SPACA7: variants seen among roughly 807,000 people sequenced by gnomAD.
The protein encoded by SPACA7 is sperm acrosome-associated protein 7.
A neutral mutation model predicts 26.3 loss-of-function variants in SPACA7; 19 were observed. That is an observed-to-expected ratio of 0.72 (90% CI 0.50 to 1.06). The LOEUF (loss-of-function observed/expected upper bound fraction) is 1.06. SPACA7 is among the 50% of genes least tolerant of loss of function. The pLI, the probability that SPACA7 is intolerant of heterozygous loss-of-function variation, is 0.00. For missense variants in SPACA7, 211 were observed against 229.9 expected, an observed-to-expected ratio of 0.92 and a Z score of 0.53; for synonymous variants, 84 against 84.5, an observed-to-expected ratio of 0.99 and a Z score of 0.04.
intron 5 of SPACA7, among the ~76,000 whole-genome samples, chr13:112,418,964 A>C (rs940981559): frequency 1.3e-5 from 2 of 151,990 alleles, no homozygotes; most frequent in Non-Finnish European, 2.9e-5. Flanking sequence ...CAGAGGTTGC[A>C]GTGAACTGAG....
chr13:112,430,186 G>C (rs1313034698), intron 5 of SPACA7, among the ~76,000 whole-genome samples: 10 of 151,654 alleles, frequency 6.6e-5, no homozygotes, highest in African/African-American at 2.4e-4. Flanking sequence ...GTGTGTGTGT[G>C]TGTGTGTGTG....
intron 4 of SPACA7, among the ~76,000 whole-genome samples, chr13:112,399,796 T>A (rs555854788): frequency 1.3e-5 from 2 of 152,312 alleles, no homozygotes; most frequent in Admixed American, 1.3e-4. Flanking sequence ...GAGGTTTAAT[T>A]TGTTCATGGT....
intron 5 of SPACA7, among the ~76,000 whole-genome samples, chr13:112,417,971 T>G (rs1346248522): frequency 6.6e-6 from 1 of 152,204 alleles, no homozygotes; most frequent in Non-Finnish European, 1.5e-5. Flanking sequence ...TGTGTAATCT[T>G]ATTTTTCTTT....
chr13:112,414,625 G>T (rs1403504356), intron 5 of SPACA7, among the ~76,000 whole-genome samples: 2 of 151,768 alleles, frequency 1.3e-5, no homozygotes, highest in African/African-American at 2.4e-5. Flanking sequence ...TGGCCAGGCT[G>T]GTCTCGAACT....
At chr13:112,398,230 G>A (rs1282178270) in intron 3 of SPACA7, 92 bp downstream of exon 3, 10 of 940,214 alleles carry the variant, frequency 1.1e-5, no homozygotes, top group Admixed American at 3.8e-5. Context: ...CCTATAATTT[G>A]AGCATTAAGA....
intron 5 of SPACA7, among the ~76,000 whole-genome samples, chr13:112,420,453 C>G (rs1875836269): frequency 6.6e-6 from 1 of 151,764 alleles, no homozygotes; most frequent in South Asian, 2.1e-4. Context: ...AAGAGCTCAT[C>G]AGTAGACAGT....
At chr13:112,414,319 G>C (rs1473158196) in intron 5 of SPACA7, among the ~76,000 whole-genome samples, 1 of 108,416 alleles carries the variant, frequency 9.2e-6, no homozygotes, top group Non-Finnish European at 1.9e-5. Flanking sequence ...ATTTATTATT[G>C]TTATTATTGT....
chr13:112,397,242 G>A (rs1322401784), intron 2 of SPACA7, among the ~76,000 whole-genome samples: 2 of 152,150 alleles, frequency 1.3e-5, no homozygotes, highest in Non-Finnish European at 2.9e-5. Context: ...CTTTGCCTGG[G>A]GCTGAGGAGC....
intron 5 of SPACA7, among the ~76,000 whole-genome samples, chr13:112,424,264 G>A (rs886191754): frequency 6.6e-5 from 10 of 152,210 alleles, no homozygotes; most frequent in African/African-American, 9.6e-5. Flanking sequence ...ATGCTGCGTT[G>A]GGAGCATGAA....
At chr13:112,382,157 T>A (rs2138861399) in intron 1 of SPACA7, 1 of 351,560 alleles carries the variant, frequency 2.8e-6, no homozygotes, top group East Asian at 5.1e-5. Flanking sequence ...AGGGAGTCAG[T>A]TAAGCTGGAG....
intron 5 of SPACA7, among the ~76,000 whole-genome samples, chr13:112,416,984 T>G (rs1435088738): frequency 6.6e-6 from 1 of 152,174 alleles, no homozygotes; most frequent in Non-Finnish European, 1.5e-5. Flanking sequence ...GATGCACACT[T>G]AGATGGATAT....
At chr13:112,419,341 T>C (rs1418659588) in intron 5 of SPACA7, among the ~76,000 whole-genome samples, 1 of 152,122 alleles carries the variant, frequency 6.6e-6, no homozygotes, top group Non-Finnish European at 1.5e-5. Flanking sequence ...GGGCTTGCAC[T>C]CACAAGGTCT....
chr13:112,384,268 A>T (rs949989527), intron 1 of SPACA7, among the ~76,000 whole-genome samples: 2 of 152,156 alleles, frequency 1.3e-5, no homozygotes, highest in African/African-American at 4.8e-5. Flanking sequence ...ACTATTAAAG[A>T]CACAGTTGAC....
intron 1 of SPACA7, among the ~76,000 whole-genome samples, chr13:112,383,118 AAGAAAAGAAAGAAAGAAAGAAAG>A (rs1408250016): frequency 1.8e-4 from 2 of 10,930 alleles, no homozygotes; most frequent in Admixed American, 1.5e-3. Flanking sequence ...AAGAAAAGAA[AAGAAAAGAAAGAAAGAAAGAAAG>A]AAAGAAAGAA....
intron 5 of SPACA7, among the ~76,000 whole-genome samples, chr13:112,429,623 T>C (rs549562491): frequency 2.6e-5 from 4 of 152,314 alleles, no homozygotes; most frequent in East Asian, 1.9e-4. Context: ...ACATATGGTA[T>C]ACAGTTTTAT....
intron 5 of SPACA7, among the ~76,000 whole-genome samples, chr13:112,423,401 A>T (rs775202718): frequency 2.0e-5 from 3 of 152,238 alleles, no homozygotes; most frequent in East Asian, 1.9e-4. Flanking sequence ...ATATCAAGAC[A>T]CTGTGAAAAA....
intron 5 of SPACA7, among the ~76,000 whole-genome samples, chr13:112,404,745 C>T (rs903070993): frequency 1.8e-4 from 27 of 152,096 alleles, no homozygotes; most frequent in African/African-American, 6.5e-4. Flanking sequence ...GGCTTTATTT[C>T]TGGGTTCTCT....
chr13:112,425,180 G>A lies in SPACA7; in HGVS notation c.446-7264G>A, dbSNP rs554543411. Among the ~76,000 whole-genome samples, 32 of 152,326 alleles carry A rather than the reference G, an allele frequency of 2.1e-4. No homozygotes were observed. The South Asian group carries it at 6.6e-3, about 32-fold the overall frequency. ...GGCGTGGGCGCCCGGATCCAAGGGT[G>A]CGCACAGGCTCCCCTGCAGGGTGAC... On this transcript the variant is annotated intron_variant, in intron 5 of 6. Transcript: ENST00000283550.
intron 1 of SPACA7, among the ~76,000 whole-genome samples, chr13:112,387,389 G>A (rs923738497): frequency 1.3e-5 from 2 of 152,182 alleles, no homozygotes; most frequent in Non-Finnish European, 2.9e-5. Context: ...TGAAAAGCAG[G>A]CTTGAAAGTG....
Sources: gnomAD v4.1 joint callset for allele counts (sites outside exome capture counted in the v4.1 genomes callset) on GRCh38, gnomAD v4.1.1 for gene constraint, MANE v1.5 for transcripts, NCBI Gene and HGNC (gene_info 2026-07-23, HGNC 2026-07-21) for gene names.